The following NTNG1 variants were observed in gnomAD, a reference collection of about 807,000 sequenced individuals.
NTNG1 encodes netrin-G1.
NTNG1 carries 16 observed loss-of-function variants against 54.0 expected under a neutral mutation model. The ratio of observed to expected loss-of-function variants is 0.30; its 90% CI spans 0.20 to 0.45. The LOEUF is 0.45. Ranked by LOEUF, NTNG1 falls within the 20% of genes least tolerant of loss-of-function variation. NTNG1 has a pLI of 1.00. For missense variants in NTNG1, 530 were observed against 678.7 expected, an observed-to-expected ratio of 0.78 and a Z score of 2.43; for synonymous variants, 255 against 263.1, an observed-to-expected ratio of 0.97 and a Z score of 0.30.
At chr1:107,192,081 GT>G (rs1423298615) in intron 2 of NTNG1, among the ~76,000 whole-genome samples, 1 of 152,056 alleles carries the variant, frequency 6.6e-6, no homozygotes, top group African/African-American at 2.4e-5. Flanking sequence ...TCTTCCATTT[GT>G]TTGTATCCTC....
chr1:107,370,789 C>A lies in NTNG1; in HGVS notation c.888-24365C>A, dbSNP rs1670875974. Among the ~76,000 whole-genome samples the A allele has an allele frequency of 2.0e-5, 3 of 151,918 alleles. No homozygotes were observed. In the South Asian group the frequency reaches 6.2e-4, roughly 31 times the overall value. On this transcript the variant is annotated intron_variant, in intron 3 of 7. Transcript: ENST00000370068. ...TTTGCCTCAGCAATTTTATTTATTT[C>A]TGTATAGGTTTTGCACATATTTTGT... is the stretch of plus-strand genomic sequence containing the variant.
At chr1:107,398,496 A>T (rs536396880) in intron 4 of NTNG1, among the ~76,000 whole-genome samples, 27 of 152,272 alleles carry the variant, frequency 1.8e-4, no homozygotes, top group African/African-American at 5.1e-4. Context: ...CTGTTGTATG[A>T]AACATGTAGA....
chr1:107,374,217 T>C (rs1026495155), intron 3 of NTNG1, among the ~76,000 whole-genome samples: 2 of 152,174 alleles, frequency 1.3e-5, no homozygotes, highest in Non-Finnish European at 1.5e-5. Context: ...AAGATGTGCT[T>C]GGTGTAATTT....
intron 5 of NTNG1, 77 bp downstream of exon 5, chr1:107,407,785 C>G: frequency 8.0e-7 from 1 of 1,243,020 alleles, no homozygotes; most frequent in Non-Finnish European, 1.2e-6. Context: ...CTCCTCAGAT[C>G]TATTTTCCCA....
chr1:107,377,494 T>C (rs1022751390), intron 3 of NTNG1, among the ~76,000 whole-genome samples: 1 of 152,170 alleles, frequency 6.6e-6, no homozygotes, highest in Non-Finnish European at 1.5e-5. Flanking sequence ...AAACAATGGC[T>C]CTGTTCAACC....
intron 2 of NTNG1, among the ~76,000 whole-genome samples, chr1:107,186,484 G>T (rs1657468461): frequency 6.6e-6 from 1 of 152,152 alleles, no homozygotes; most frequent in South Asian, 2.1e-4. Context: ...AACTGGCTCT[G>T]CATGATCCCT....
At chr1:107,370,820 T>G (rs978051045) in intron 3 of NTNG1, among the ~76,000 whole-genome samples, 2 of 152,116 alleles carry the variant, frequency 1.3e-5, no homozygotes, top group Admixed American at 1.3e-4. Context: ...TTTGTCAAAT[T>G]TAATCGTAAG....
chr1:107,387,174 C>T (rs1434506905), intron 3 of NTNG1, among the ~76,000 whole-genome samples: 1 of 152,112 alleles, frequency 6.6e-6, no homozygotes, highest in Non-Finnish European at 1.5e-5. Context: ...TAAGTGCAAC[C>T]CATTTTGATA....
chr1:107,428,486 A>G (rs1675040597), intron 5 of NTNG1, among the ~76,000 whole-genome samples: 1 of 152,120 alleles, frequency 6.6e-6, no homozygotes, highest in Non-Finnish European at 1.5e-5. Context: ...ATGCTTTTGA[A>G]CAAAGCTCTA....
At chr1:107,150,503 C>G (rs941940811) in intron 2 of NTNG1, among the ~76,000 whole-genome samples, 8 of 152,162 alleles carry the variant, frequency 5.3e-5, no homozygotes, top group Admixed American at 2.0e-4. Context: ...GTTAAGAACT[C>G]TCTAGCTCTG....
chr1:107,350,914 C>G (rs766432703), intron 3 of NTNG1, among the ~76,000 whole-genome samples: 13 of 152,100 alleles, frequency 8.5e-5, no homozygotes, highest in Non-Finnish European at 1.6e-4. Flanking sequence ...TTTTGGAGAG[C>G]TAATGTACAG....
At chr1:107,301,681 C>A (rs1666326822) in intron 2 of NTNG1, among the ~76,000 whole-genome samples, 1 of 152,064 alleles carries the variant, frequency 6.6e-6, no homozygotes, top group Non-Finnish European at 1.5e-5. Flanking sequence ...CTACTTTGTT[C>A]CTTCTTCTTC....
intron 3 of NTNG1, among the ~76,000 whole-genome samples, chr1:107,394,253 G>A (rs537980209): frequency 1.2e-4 from 19 of 152,228 alleles, no homozygotes; most frequent in African/African-American, 4.6e-4. Context: ...ATATCCTGCT[G>A]CCTCAACAAA....
chr1:107,309,175 C>T (rs1436147449), intron 2 of NTNG1, among the ~76,000 whole-genome samples: 1 of 152,132 alleles, frequency 6.6e-6, no homozygotes, highest in Non-Finnish European at 1.5e-5. Context: ...TGCATTTATC[C>T]ACTATTTCTT....
intron 2 of NTNG1, among the ~76,000 whole-genome samples, chr1:107,228,872 A>AT (rs1660866269): frequency 6.6e-6 from 1 of 152,182 alleles, no homozygotes; most frequent in South Asian, 2.1e-4. Flanking sequence ...AAGACAAGCC[A>AT]TGTGCTGTGG....
intron 1 of NTNG1, among the ~76,000 whole-genome samples, chr1:107,145,348 T>G (rs921662969): frequency 3.9e-5 from 6 of 152,090 alleles, no homozygotes; most frequent in Admixed American, 1.3e-4. Context: ...AGATTTAATT[T>G]CTTACTAATT....
At chr1:107,458,432 A>G (rs996998785) in intron 7 of NTNG1, among the ~76,000 whole-genome samples, 5 of 152,158 alleles carry the variant, frequency 3.3e-5, no homozygotes, top group Non-Finnish European at 5.9e-5. Flanking sequence ...ATTATTTTCA[A>G]TGAAGTTTCA....
At chr1:107,328,673 A>T (rs1668100557) in intron 3 of NTNG1, among the ~76,000 whole-genome samples, 1 of 152,142 alleles carries the variant, frequency 6.6e-6, no homozygotes, top group Non-Finnish European at 1.5e-5. Context: ...AGCTTTCCAC[A>T]ATTAAAATAA....
chr1:107,416,820 T>C (rs10785823), intron 5 of NTNG1, among the ~76,000 whole-genome samples: 66,186 of 151,684 alleles, frequency 0.44, 14,675 homozygotes, highest in Middle Eastern at 0.51. Flanking sequence ...AAACATCACC[T>C]CCACTTAAGA....
Sources: gnomAD v4.1 joint callset for allele counts (sites outside exome capture counted in the v4.1 genomes callset) on GRCh38, gnomAD v4.1.1 for gene constraint, MANE v1.5 for transcripts, NCBI Gene and HGNC (gene_info 2026-07-23, HGNC 2026-07-21) for gene names.